The following FOXP2 variants were observed in gnomAD, a reference collection of about 807,000 sequenced individuals.
The protein encoded by FOXP2 is forkhead box P2.
Under a neutral mutation model 115.8 loss-of-function variants are expected in FOXP2, and 12 were observed. The ratio of observed to expected loss-of-function variants is 0.10; its 90% CI spans 0.07 to 0.17. The LOEUF is 0.17. FOXP2 is among the 10% of genes least tolerant of loss of function. The pLI, the probability that FOXP2 is intolerant of heterozygous loss-of-function variation, is 1.00. For missense variants in FOXP2, 629 were observed against 843.5 expected, an observed-to-expected ratio of 0.75 and a Z score of 3.15; for synonymous variants, 328 against 297.7, an observed-to-expected ratio of 1.10 and a Z score of -1.05.
At chr7:114,158,275 T>TA (rs1792724923), upstream of FOXP2, among the ~76,000 whole-genome samples, 2 of 152,166 alleles carry the variant, frequency 1.3e-5, no homozygotes, top group Admixed American at 6.6e-5. Flanking sequence ...GGTCGCAGGC[T>TA]AGCCCATCCA....
rs200960889 is a variant in FOXP2, at chr7:114,330,515, TAC to T, written c.-11+42416_-11+42417del. Among the ~76,000 whole-genome samples the T allele has an allele frequency of 2.7e-3, 404 of 149,532 alleles. 2 individuals carry two copies. The highest frequency in any genetic ancestry group is 9.5e-3 in the African/African-American group (388 of 40,970). On this transcript the variant is annotated intron_variant, in intron 2 of 17. Coordinates refer to the FOXP2 transcript ENST00000634411. ...ATATATATGTGTATATATATATATG[TAC>T]ACACACACAATTTTTATATATACAT... is the stretch of plus-strand genomic sequence containing the variant.
intron 1 of FOXP2, among the ~76,000 whole-genome samples, chr7:114,278,562 CAGG>C (rs1796250462): frequency 6.6e-6 from 1 of 152,046 alleles, no homozygotes; most frequent in African/African-American, 2.4e-5. Flanking sequence ...CCATGTTGGC[CAGG>C]CTGGTCTTGA....
chr7:114,581,146 T>G (rs1801840553), intron 3 of FOXP2, among the ~76,000 whole-genome samples: 2 of 144,264 alleles, frequency 1.4e-5, no homozygotes, highest in Admixed American at 7.3e-5. Flanking sequence ...TCTATCTTCT[T>G]CCGTTTATTT....
intron 1 of FOXP2, among the ~76,000 whole-genome samples, chr7:114,205,413 G>A (rs1222528702): frequency 1.3e-5 from 2 of 152,188 alleles, no homozygotes; most frequent in Non-Finnish European, 2.9e-5. Context: ...ACCGTGTGGA[G>A]TAAATGATTC....
chr7:114,106,596 C>T (rs139217257), intron 1 of FOXP2, among the ~76,000 whole-genome samples: 1 of 152,098 alleles, frequency 6.6e-6, no homozygotes, highest in Non-Finnish European at 1.5e-5. Context: ...TTACAAACAG[C>T]TGATCCAGAA....
chr7:114,105,163 CTG>C (rs1387116389), intron 1 of FOXP2, among the ~76,000 whole-genome samples: 3 of 152,044 alleles, frequency 2.0e-5, no homozygotes, highest in Non-Finnish European at 2.9e-5. Context: ...TGTCTAAAGA[CTG>C]GCACATTTTA....
intron 4 of FOXP2, 93 bp downstream of exon 4, chr7:114,628,770 TC>T: frequency 6.6e-7 from 1 of 1,514,948 alleles, no homozygotes; most frequent in Non-Finnish European, 9.1e-7. Context: ...CAATTCAGTC[TC>T]CATTTGAAAG....
At chr7:114,411,454 C>T (rs554873991), upstream of FOXP2, among the ~76,000 whole-genome samples, 2 of 152,156 alleles carry the variant, frequency 1.3e-5, no homozygotes, top group South Asian at 4.2e-4. Flanking sequence ...GTAAGCATAA[C>T]GCTCAAAATA....
At chr7:114,291,426 A>T (rs966587494) in intron 2 of FOXP2, among the ~76,000 whole-genome samples, 1 of 152,148 alleles carries the variant, frequency 6.6e-6, no homozygotes, top group Non-Finnish European at 1.5e-5. Flanking sequence ...AGTGTATTGC[A>T]TTATGTACCT....
chr7:114,236,601 T>A (rs1320117244), intron 1 of FOXP2, among the ~76,000 whole-genome samples: 2 of 152,218 alleles, frequency 1.3e-5, no homozygotes, highest in Admixed American at 1.3e-4. Context: ...AGAATAGTTA[T>A]TCACAATTAT....
At chr7:114,670,475 C>A (rs542521384) in intron 16 of FOXP2, among the ~76,000 whole-genome samples, 2 of 152,002 alleles carry the variant, frequency 1.3e-5, no homozygotes, top group Admixed American at 1.3e-4. Context: ...ACATCCTCTT[C>A]TTCTTCATAA....
At chr7:114,308,768 C>T (rs1428424932) in intron 2 of FOXP2, among the ~76,000 whole-genome samples, 1 of 152,056 alleles carries the variant, frequency 6.6e-6, no homozygotes, top group Non-Finnish European at 1.5e-5. Context: ...TGTAGGTGGT[C>T]CGTAAAGCTG....
intron 9 of FOXP2, among the ~76,000 whole-genome samples, chr7:114,653,107 A>C (rs1403282057): frequency 6.6e-6 from 1 of 152,152 alleles, no homozygotes; most frequent in East Asian, 1.9e-4. Flanking sequence ...TCTTGTTTCA[A>C]ATTCGTGTCA....
chr7:114,612,441 A>G (rs1051772134), intron 3 of FOXP2, among the ~76,000 whole-genome samples: 10 of 152,052 alleles, frequency 6.6e-5, no homozygotes, highest in African/African-American at 2.2e-4. Flanking sequence ...ACACACACAT[A>G]TATATATAGT....
At position 114,636,858 on chromosome 7, in the gene FOXP2, A is replaced by G. The variant is rs138694661; in HGVS notation, c.775+5153A>G. 1.8e-4 allele frequency among the ~76,000 whole-genome samples: 27 copies of G among 152,260 alleles called. No individual in the cohort carries two copies. In the East Asian group the frequency reaches 5.2e-3, roughly 29 times the overall value. On this transcript the variant is annotated intron_variant, in intron 6 of 16. Transcript: ENST00000350908. Reference sequence around the variant, plus strand: ...GCTTGTCATCTTGTAGATACTCCACAAACTCTGAATATGGGATTAAGGAAT... The same window carrying G: ...GCTTGTCATCTTGTAGATACTCCACGAACTCTGAATATGGGATTAAGGAAT...
At chr7:114,458,979 G>C (rs1415730047) in intron 2 of FOXP2, among the ~76,000 whole-genome samples, 1 of 152,090 alleles carries the variant, frequency 6.6e-6, no homozygotes, top group Non-Finnish European at 1.5e-5. Context: ...TTCATCCGGA[G>C]GTGGGGCTGG....
chr7:114,315,554 T>A (rs1422007777), intron 2 of FOXP2, among the ~76,000 whole-genome samples: 1 of 152,198 alleles, frequency 6.6e-6, no homozygotes, highest in Admixed American at 6.5e-5. Context: ...AGCTATTAAG[T>A]TTTTTTAGTT....
intron 2 of FOXP2, among the ~76,000 whole-genome samples, chr7:114,370,920 A>G (rs1380564854): frequency 2.0e-5 from 3 of 152,190 alleles, no homozygotes; most frequent in African/African-American, 4.8e-5. Context: ...AAAACTGACT[A>G]TTCTCAAAAT....
At chr7:114,456,687 A>G (rs1795325036) in intron 2 of FOXP2, among the ~76,000 whole-genome samples, 1 of 152,198 alleles carries the variant, frequency 6.6e-6, no homozygotes, top group Admixed American at 6.5e-5. Flanking sequence ...ATGTGGAATT[A>G]ATTATTTTAA....
Sources: gnomAD v4.1 joint callset for allele counts (sites outside exome capture counted in the v4.1 genomes callset) on GRCh38, gnomAD v4.1.1 for gene constraint, MANE v1.5 for transcripts, NCBI Gene and HGNC (gene_info 2026-07-23, HGNC 2026-07-21) for gene names.